SNX18: variants seen among roughly 807,000 people sequenced by gnomAD.
SNX18 encodes the protein sorting nexin-18.
A neutral mutation model predicts 48.7 loss-of-function variants in SNX18; 35 were observed. The ratio of observed to expected loss-of-function variants is 0.72; its 90% CI spans 0.55 to 0.95. The LOEUF is 0.95. Ranked by LOEUF, SNX18 falls within the 40% of genes least tolerant of loss-of-function variation. SNX18 has a pLI of 0.00. For synonymous variants in SNX18, 492 were observed against 384.7 expected (o/e 1.28, Z -3.26); for missense variants, 824 against 871.0 (o/e 0.95, Z 0.68).
rs1762540590 is a variant in SNX18 at position 54,544,632 on chromosome 5, T to TTG, written c.*1200_*1201insTG. On this transcript the variant is annotated 3_prime_UTR_variant, in exon 2 of 2. Transcript: ENST00000381410. ...GTTTTAAAAAAAAAAAAGGTATTGATGAGCCCCCCCCCCCCAGGACATTTA... is the reference window on the plus strand; with the variant it reads ...GTTTTAAAAAAAAAAAAGGTATTGATTGGAGCCCCCCCCCCCCAGGACATTTA... 1.5e-5 allele frequency: 1 copy of TTG among 64,622 alleles called. No homozygotes were observed. Among genetic ancestry groups the TTG allele is most frequent in the South Asian group, 5.0e-4 (1 of 2,012 alleles). The allele number at this position is 64,622 out of a possible 1,614,324, so 4.0% of individuals were successfully genotyped here.
intron 1 of SNX18, among the ~76,000 whole-genome samples, chr5:54,521,815 A>T (rs972482527): frequency 6.6e-6 from 1 of 152,184 alleles, no homozygotes; most frequent in Non-Finnish European, 1.5e-5. Context: ...CAATCCTTCC[A>T]GCTCAGCCTC....
At position 54,518,167 on chromosome 5, in the gene SNX18, C is replaced by T. The variant is rs1761909737; in HGVS notation, c.215C>T (p.Pro72Leu). The part of the protein sequence containing the change: ...PEPGPAGDGG[P>L]GAPARYANVP... ...CCTGGCCCGGCGGGAGACGGCGGCC[C>T]GGGCGCCCCGGCCCGCTACGCCAAT... The change falls in exon 1 of 2, where the codon CCG (proline) becomes CTG (leucine). Residue 72 changes from proline (P) to leucine (L), a missense_variant. Physicochemically the swap from Pro to Leu is moderately conservative, Grantham distance 98. Coordinates refer to ENST00000381410, the MANE Select transcript of SNX18 (RefSeq NM_001102575.2). 17 of 1,385,812 alleles carry T rather than the reference C, an allele frequency of 1.2e-5. 1 individual carries two copies. The South Asian group carries it at 1.8e-4, about 15-fold the overall frequency. 85.8% of individuals were successfully genotyped at this position (1,385,812 alleles called of 1,614,324 possible). A position where few individuals can be genotyped will look rare whatever the true frequency, so the allele number is the denominator to read the frequency against.
At chr5:54,611,453 A>G in the SNX18 span, among the ~76,000 whole-genome samples, 1 of 152,110 alleles carries the variant, frequency 6.6e-6, no homozygotes, top group Non-Finnish European at 1.5e-5. Context: ...GTCCCAGGGT[A>G]GTCTGCTCTC....
In SNX18 at chr5:54,541,097, G is replaced by A. The variant is rs532337883; in HGVS notation, c.1622-2082G>A. 1.4e-4 allele frequency among the ~76,000 whole-genome samples: 21 copies of A among 151,572 alleles called. No individual in the cohort carries two copies. In the South Asian group the frequency reaches 4.2e-3, roughly 30 times the overall value. ...GGCTGGAGTACGGTGGCGCAATCTCGGCGCAATGCAACCTCTGCCTTCCGG... is the reference window on the plus strand; with the variant it reads ...GGCTGGAGTACGGTGGCGCAATCTCAGCGCAATGCAACCTCTGCCTTCCGG... On this transcript the variant is annotated intron_variant, in intron 1 of 1. Coordinates refer to ENST00000381410, the MANE Select transcript of SNX18 (RefSeq NM_001102575.2).
At chr5:54,588,180 A>G in the SNX18 span, among the ~76,000 whole-genome samples, 1 of 152,162 alleles carries the variant, frequency 6.6e-6, no homozygotes, top group Admixed American at 6.5e-5. Flanking sequence ...AGGCCAAAAG[A>G]ATGCCTAAAA....
At chr5:54,576,990 T>G in the SNX18 span, among the ~76,000 whole-genome samples, 1 of 151,966 alleles carries the variant, frequency 6.6e-6, no homozygotes, top group African/African-American at 2.4e-5. Context: ...TTAGTAGAGA[T>G]GGGTTTCACC....
rs139911029 is a variant in SNX18, at chr5:54,528,978, A to G, written c.1621+9405A>G. 6.2e-3 allele frequency among the ~76,000 whole-genome samples: 939 copies of G among 152,234 alleles called. 11 individuals are homozygous for G. Among genetic ancestry groups the G allele is most frequent in the African/African-American group, 0.021 (892 of 41,522 alleles). On this transcript the variant is annotated intron_variant, in intron 1 of 1. Transcript: ENST00000381410. The stretch of plus-strand genomic sequence containing the variant: ...TGGTGTTCTTTGAAAAGCTCCTCAC[A>G]TGCTTTTGATGTGCTGCTGGGTTTA...
At chr5:54,585,594 G>A in the SNX18 span, among the ~76,000 whole-genome samples, 4 of 152,216 alleles carry the variant, frequency 2.6e-5, no homozygotes, top group African/African-American at 9.6e-5. Context: ...AGCTTGTGTG[G>A]ATTGGTAGGA....
At chr5:54,622,327 C>T in the SNX18 span, among the ~76,000 whole-genome samples, 2 of 152,034 alleles carry the variant, frequency 1.3e-5, no homozygotes, top group Non-Finnish European at 2.9e-5. Context: ...GGTGAAATCC[C>T]ATCTCTACAA....
chr5:54,540,312 C>T (rs1054050186), intron 1 of SNX18, among the ~76,000 whole-genome samples: 3 of 151,830 alleles, frequency 2.0e-5, no homozygotes, highest in Non-Finnish European at 2.9e-5. Flanking sequence ...ACCTCCTGGA[C>T]TCAGATGATC....
the SNX18 span, among the ~76,000 whole-genome samples, chr5:54,567,211 GTA>G: frequency 6.6e-6 from 1 of 151,550 alleles, no homozygotes; most frequent in East Asian, 1.9e-4. Flanking sequence ...ATGTGTGTGT[GTA>G]TGTGTGTGTG....
intron 1 of SNX18, among the ~76,000 whole-genome samples, chr5:54,532,325 T>TC (rs994708260): frequency 6.7e-6 from 1 of 150,306 alleles, no homozygotes; most frequent in African/African-American, 2.4e-5. Context: ...TTTTCTTTTT[T>TC]TTTTTTTGTA....
chr5:54,615,134 C>A, the SNX18 span, among the ~76,000 whole-genome samples: 1 of 152,184 alleles, frequency 6.6e-6, no homozygotes, highest in Non-Finnish European at 1.5e-5. Flanking sequence ...AAGCCTGACC[C>A]TTGTGGGATC....
the SNX18 span, among the ~76,000 whole-genome samples, chr5:54,646,784 C>T: frequency 6.6e-6 from 1 of 152,208 alleles, no homozygotes; most frequent in African/African-American, 2.4e-5. Context: ...TAGTTCCCTC[C>T]ACCCAGAATG....
the SNX18 span, among the ~76,000 whole-genome samples, chr5:54,646,560 C>CA: frequency 6.6e-6 from 1 of 152,208 alleles, no homozygotes; most frequent in African/African-American, 2.4e-5. Context: ...AGCAAGCACT[C>CA]AACCACTACT....
At chr5:54,606,550 A>T in the SNX18 span, among the ~76,000 whole-genome samples, 8 of 152,194 alleles carry the variant, frequency 5.3e-5, no homozygotes, top group Non-Finnish European at 1.0e-4. Context: ...GCATTCACTC[A>T]TTCTTGCTCT....
At chr5:54,590,874 T>C in the SNX18 span, among the ~76,000 whole-genome samples, 136,914 of 152,098 alleles carry the variant, frequency 0.9, 62,608 homozygotes, top group South Asian at 0.98. Context: ...GGTTATCTCC[T>C]GCCTGACGCT....
At chr5:54,612,507 C>T in the SNX18 span, among the ~76,000 whole-genome samples, 1 of 152,072 alleles carries the variant, frequency 6.6e-6, no homozygotes. Context: ...TCATGATCTG[C>T]CGGTCTCGGC....
rs980158058 is a variant in SNX18 at position 54,517,826 on chromosome 5, C to T, written c.-127C>T. On this transcript the variant is annotated 5_prime_UTR_variant, in exon 1 of 2. Coordinates refer to ENST00000381410, the MANE Select transcript of SNX18 (RefSeq NM_001102575.2). ...GGAGGGCGCGACCGGCTGGTCCGGGCAGCGTGGGTTTGCCGCCTTCGGGGC... is the reference window on the plus strand; with the variant it reads ...GGAGGGCGCGACCGGCTGGTCCGGGTAGCGTGGGTTTGCCGCCTTCGGGGC... 7 of 1,018,368 alleles carry T rather than the reference C, an allele frequency of 6.9e-6. No homozygotes were observed. The highest frequency in any genetic ancestry group is 9.1e-6 in the Non-Finnish European group (7 of 772,934). 63.1% of individuals were successfully genotyped at this position (1,018,368 alleles called of 1,614,324 possible). A position where few individuals can be genotyped will look rare whatever the true frequency, so the allele number is the denominator to read the frequency against.
Sources: allele counts gnomAD v4.1 joint callset (sites outside exome capture counted in the v4.1 genomes callset), GRCh38; gene constraint gnomAD v4.1.1; transcripts MANE v1.5; gene names NCBI Gene and HGNC (gene_info 2026-07-23, HGNC 2026-07-21).